The following FAM169A variants were observed in gnomAD, a reference collection of about 807,000 sequenced individuals.
FAM169A encodes soluble lamin-associated protein of 75 kDa.
A neutral mutation model predicts 75.7 loss-of-function variants in FAM169A; 24 were observed. The ratio of observed to expected loss-of-function variants is 0.32; its 90% CI spans 0.23 to 0.45. FAM169A has a LOEUF of 0.45. Ranked by LOEUF, FAM169A falls within the 20% of genes least tolerant of loss-of-function variation. The probability of loss-of-function intolerance (pLI) is 1.00; values close to 1 mark genes in which losing one functional copy is unlikely to be tolerated. For synonymous variants in FAM169A, 271 were observed against 271.0 expected (o/e 1.00, Z 0.00); for missense variants, 673 against 784.0 (o/e 0.86, Z 1.69).
intron 5 of FAM169A, among the ~76,000 whole-genome samples, chr5:74,823,289 C>G (rs72764673): frequency 3.8e-3 from 575 of 152,286 alleles, no homozygotes; most frequent in South Asian, 0.015. Context: ...TTTCATGACT[C>G]TCTGCCTTCT....
At chr5:74,826,911 C>T (rs532082223) in intron 5 of FAM169A, among the ~76,000 whole-genome samples, 57 of 152,282 alleles carry the variant, frequency 3.7e-4, no homozygotes, top group South Asian at 2.3e-3. Context: ...CTCTGGTCTT[C>T]GATAATTCCT....
At position 74,813,249 on chromosome 5, in the gene FAM169A, A is replaced by T. The variant is rs59188778; in HGVS notation, c.670+591T>A. 1.0e-2 allele frequency among the ~76,000 whole-genome samples: 1,522 copies of T among 152,302 alleles called. 14 individuals are homozygous for T. The highest frequency in any genetic ancestry group is 0.035 in the African/African-American group (1,436 of 41,554). ...CTGGAACTGCTGGCTATGATTGAAC[A>T]ACTATGAATATACTAAAAACCACTG... On this transcript the variant is annotated intron_variant, in intron 6 of 12. Transcript: ENST00000687041.
At chr5:74,787,049 TC>T (rs1243026612) in intron 11 of FAM169A, among the ~76,000 whole-genome samples, 1 of 152,114 alleles carries the variant, frequency 6.6e-6, no homozygotes, top group Non-Finnish European at 1.5e-5. Flanking sequence ...TGGACTAAAG[TC>T]CCGGTGGCCT....
rs1020109342 is a variant in FAM169A, at chr5:74,859,287, C to CTT, written c.-4+6876_-4+6877dup. On this transcript the variant is annotated intron_variant, in intron 1 of 12. Transcript: ENST00000687041. ...AACTAACAAAAAATGAAGGTTTTCT[C>CTT]TTTTTTTTTTTTTTTTTTTTGAGAC... Among the ~76,000 whole-genome samples the CTT allele has an allele frequency of 1.2e-3, 153 of 129,064 alleles. 2 individuals carry two copies. Among genetic ancestry groups the CTT allele is most frequent in the African/African-American group, 1.4e-3 (51 of 35,426 alleles). 84.7% of individuals were successfully genotyped at this position (129,064 alleles called of 152,430 possible).
chr5:74,782,765 T>C (rs1745475812), intron 12 of FAM169A, among the ~76,000 whole-genome samples, 166 bp downstream of exon 12: 1 of 152,352 alleles, frequency 6.6e-6, no homozygotes, highest in East Asian at 1.9e-4. Flanking sequence ...TTTGAATTTA[T>C]AGAATATTAC....
intron 11 of FAM169A, 73 bp downstream of exon 11, chr5:74,795,957 C>G: frequency 2.0e-6 from 3 of 1,476,546 alleles, no homozygotes; most frequent in Non-Finnish European, 1.8e-6. Flanking sequence ...CTATACTTTT[C>G]TAACAACATG....
At chr5:74,814,092 AAC>A in intron 5 of FAM169A, 73 bp from the exon 6 acceptor site, 3 of 1,244,670 alleles carry the variant, frequency 2.4e-6, no homozygotes, top group Non-Finnish European at 2.1e-6. Flanking sequence ...GACATGAGTT[AAC>A]AGTCTTTCTA....
chr5:74,855,241 G>C (rs1187350775), intron 1 of FAM169A, among the ~76,000 whole-genome samples: 1 of 152,160 alleles, frequency 6.6e-6, no homozygotes, highest in African/African-American at 2.4e-5. Flanking sequence ...TGTTGTCCAG[G>C]CTGGAATGCG....
At chr5:74,823,654 T>C (rs1747873454) in intron 5 of FAM169A, among the ~76,000 whole-genome samples, 1 of 152,312 alleles carries the variant, frequency 6.6e-6, no homozygotes, top group Admixed American at 6.5e-5. Context: ...AGAACCCTTA[T>C]TGGCAAGCAA....
At position 74,857,571 on chromosome 5, in the gene FAM169A, GGA is replaced by G. The variant is rs1491130150; in HGVS notation, c.-4+8592_-4+8593del. ...GGTGACAGAGCCAGACCTTGCCGCG[GGA>G]AAAAAAAAAAAAAAAAAAAAAAAAA... On this transcript the variant is annotated intron_variant, in intron 1 of 12. Transcript: ENST00000687041. 9.7e-4 allele frequency among the ~76,000 whole-genome samples: 64 copies of G among 65,718 alleles called. 2 individuals carry two copies. Among genetic ancestry groups the G allele is most frequent in the African/African-American group, 3.8e-3 (61 of 15,874 alleles). 43.1% of individuals were successfully genotyped at this position (65,718 alleles called of 152,430 possible).
chr5:74,814,894 A>C (rs886074947), intron 5 of FAM169A, among the ~76,000 whole-genome samples: 2 of 152,208 alleles, frequency 1.3e-5, no homozygotes, highest in Non-Finnish European at 2.9e-5. Flanking sequence ...TTTTTGCCTC[A>C]AATAAAATAA....
chr5:74,797,740 C>T (rs1490795090), intron 10 of FAM169A, among the ~76,000 whole-genome samples: 5 of 152,170 alleles, frequency 3.3e-5, no homozygotes, highest in Non-Finnish European at 5.9e-5. Context: ...ATATTTCCAT[C>T]ACTGCAGAAA....
chr5:74,815,891 G>T (rs1747444583), intron 5 of FAM169A, among the ~76,000 whole-genome samples: 2 of 152,170 alleles, frequency 1.3e-5, no homozygotes, highest in South Asian at 4.1e-4. Context: ...GAAAAGGGGA[G>T]GCATGAATAA....
intron 10 of FAM169A, 57 bp from the exon 11 acceptor site, chr5:74,796,243 T>A: frequency 6.8e-7 from 1 of 1,469,742 alleles, no homozygotes; most frequent in Non-Finnish European, 9.2e-7. Context: ...ATATAAAATC[T>A]CAGAAGTCCT....
At chr5:74,824,219 C>A (rs1747903140) in intron 5 of FAM169A, among the ~76,000 whole-genome samples, 1 of 152,120 alleles carries the variant, frequency 6.6e-6, no homozygotes, top group Non-Finnish European at 1.5e-5. Context: ...ATTAAGTCTT[C>A]AAATTGGATC....
chr5:74,849,726 T>C (rs1377274500), intron 1 of FAM169A, among the ~76,000 whole-genome samples: 1 of 152,102 alleles, frequency 6.6e-6, no homozygotes, highest in African/African-American at 2.4e-5. Flanking sequence ...GCTCAACTAA[T>C]CCCTTTACCT....
At chr5:74,788,350 G>T (rs935045436) in intron 11 of FAM169A, among the ~76,000 whole-genome samples, 1 of 152,192 alleles carries the variant, frequency 6.6e-6, no homozygotes, top group African/African-American at 2.4e-5. Flanking sequence ...GACTGGTGGG[G>T]TGAGGGCTAT....
intron 6 of FAM169A, among the ~76,000 whole-genome samples, chr5:74,813,109 G>C (rs1306551139): frequency 6.6e-6 from 1 of 152,168 alleles, no homozygotes; most frequent in African/African-American, 2.4e-5. Flanking sequence ...AAAATGTCCA[G>C]AATGAGTAAA....
At chr5:74,817,646 C>CA (rs1409242056) in intron 5 of FAM169A, among the ~76,000 whole-genome samples, 4 of 151,962 alleles carry the variant, frequency 2.6e-5, no homozygotes, top group Non-Finnish European at 4.4e-5. Context: ...AATTGTTTTG[C>CA]AAAAAATTGT....
Sources: allele counts gnomAD v4.1 joint callset (sites outside exome capture counted in the v4.1 genomes callset), GRCh38; gene constraint gnomAD v4.1.1; transcripts MANE v1.5; gene names NCBI Gene and HGNC (gene_info 2026-07-23, HGNC 2026-07-21).